Variants in TENM2 observed in about 807,000 individuals in gnomAD.
TENM2 encodes the protein teneurin-2.
TENM2 carries 52 observed loss-of-function variants against 245.2 expected under a neutral mutation model. The ratio of observed to expected loss-of-function variants is 0.21; its 90% CI spans 0.17 to 0.27. TENM2 has a LOEUF of 0.27. Among genes scored for constraint, TENM2 ranks in the 10% least tolerant of loss-of-function variants. The probability of loss-of-function intolerance (pLI) is 1.00; values close to 1 mark genes in which losing one functional copy is unlikely to be tolerated. For missense variants in TENM2, 3,046 were observed against 3,666.8 expected, an observed-to-expected ratio of 0.83 and a Z score of 4.37; for synonymous variants, 1,363 against 1,438.9, an observed-to-expected ratio of 0.95 and a Z score of 1.19.
chr5:168,208,058 G>T (rs1458515030), intron 19 of TENM2, among the ~76,000 whole-genome samples: 1 of 152,096 alleles, frequency 6.6e-6, no homozygotes, highest in Non-Finnish European at 1.5e-5. Context: ...TAAAGCCCTG[G>T]AGCAGAGTAA....
intron 2 of TENM2, among the ~76,000 whole-genome samples, chr5:167,753,286 G>A (rs1561740310): frequency 1.3e-5 from 2 of 152,178 alleles, no homozygotes; most frequent in African/African-American, 2.4e-5. Flanking sequence ...ATACATTACA[G>A]CTGTCTCAAA....
At chr5:167,583,511 C>CACACACACACACA (rs1554085391) in intron 2 of TENM2, among the ~76,000 whole-genome samples, 1 of 147,652 alleles carries the variant, frequency 6.8e-6, no homozygotes, top group African/African-American at 2.5e-5. Flanking sequence ...CACACACACA[C>CACACACACACACA]CCCAAACCTA....
At chr5:167,942,201 C>T (rs32416) in intron 3 of TENM2, among the ~76,000 whole-genome samples, 35,856 of 152,026 alleles carry the variant, frequency 0.24, 4,946 homozygotes, top group African/African-American at 0.39. Context: ...GAGTGAGACT[C>T]CCATCTCAAA....
At chr5:168,207,758 G>A (rs1455999346) in intron 19 of TENM2, among the ~76,000 whole-genome samples, 1 of 152,052 alleles carries the variant, frequency 6.6e-6, no homozygotes, top group African/African-American at 2.4e-5. Context: ...ACCCACCCCG[G>A]AGCTGAGCCT....
At chr5:168,231,686 G>A (rs926951156) in intron 25 of TENM2, among the ~76,000 whole-genome samples, 4 of 151,180 alleles carry the variant, frequency 2.6e-5, no homozygotes, top group South Asian at 2.1e-4. Flanking sequence ...GATCATTTTC[G>A]CCTAGGGGTT....
the TENM2 span, among the ~76,000 whole-genome samples, chr5:167,227,305 T>C: frequency 6.6e-6 from 1 of 152,134 alleles, no homozygotes; most frequent in South Asian, 2.1e-4. Flanking sequence ...TTTGTAGTGG[T>C]ACCATTTGAG....
the TENM2 span, among the ~76,000 whole-genome samples, chr5:167,189,027 A>G: frequency 2.0e-5 from 3 of 152,084 alleles, no homozygotes; most frequent in Non-Finnish European, 2.9e-5. Context: ...GTTATCCTCT[A>G]TTCATTTTCA....
chr5:167,832,065 A>G (rs1433759094), intron 2 of TENM2, among the ~76,000 whole-genome samples: 2 of 152,228 alleles, frequency 1.3e-5, no homozygotes, highest in African/African-American at 2.4e-5. Context: ...AGGAACAAAA[A>G]TAATGGCTTT....
intron 2 of TENM2, among the ~76,000 whole-genome samples, chr5:167,810,387 G>T (rs1338288335): frequency 6.6e-6 from 1 of 151,992 alleles, no homozygotes; most frequent in Admixed American, 6.6e-5. Context: ...GTCACTGTTT[G>T]GGTCCTTTTA....
At chr5:167,949,938 A>G (rs1779947084) in intron 3 of TENM2, among the ~76,000 whole-genome samples, 1 of 152,182 alleles carries the variant, frequency 6.6e-6, no homozygotes, top group Admixed American at 6.5e-5. Context: ...AGTTAGGAGG[A>G]GAATGTCTTC....
At chr5:167,485,536 T>G (rs1768006061) in intron 2 of TENM2, among the ~76,000 whole-genome samples, 1 of 152,182 alleles carries the variant, frequency 6.6e-6, no homozygotes, top group African/African-American at 2.4e-5. Flanking sequence ...TTTTCATCTC[T>G]AACTGTGCCT....
intron 2 of TENM2, among the ~76,000 whole-genome samples, chr5:167,493,122 C>T (rs1193946761): frequency 2.0e-5 from 3 of 151,920 alleles, no homozygotes; most frequent in Non-Finnish European, 4.4e-5. Flanking sequence ...TTCATTGAAT[C>T]ATTCATTCAA....
chr5:167,726,050 C>A (rs895369496), intron 2 of TENM2, among the ~76,000 whole-genome samples: 4 of 152,196 alleles, frequency 2.6e-5, no homozygotes, highest in African/African-American at 9.6e-5. Flanking sequence ...GGCTGCCTAG[C>A]CATCCCACTA....
intron 2 of TENM2, among the ~76,000 whole-genome samples, chr5:167,747,926 A>G (rs966986211): frequency 1.6e-4 from 24 of 152,086 alleles, no homozygotes; most frequent in African/African-American, 5.1e-4. Flanking sequence ...ACAGTTTCTT[A>G]TGAAGCTTCT....
At chr5:167,240,269 T>C in the TENM2 span, among the ~76,000 whole-genome samples, 1 of 152,140 alleles carries the variant, frequency 6.6e-6, no homozygotes, top group East Asian at 1.9e-4. Flanking sequence ...TTTTTTTTTT[T>C]TGCTCTGTTT....
chr5:167,670,925 G>A (rs1262953766), intron 2 of TENM2, among the ~76,000 whole-genome samples: 1 of 152,036 alleles, frequency 6.6e-6, no homozygotes, highest in African/African-American at 2.4e-5. Context: ...AGGAGAGACT[G>A]GGAAACCCTG....
chr5:168,034,651 G>C (rs1429399036), intron 5 of TENM2, among the ~76,000 whole-genome samples: 1 of 151,410 alleles, frequency 6.6e-6, no homozygotes, highest in African/African-American at 2.4e-5. Context: ...CATACCTGTA[G>C]TCCCAGCTAC....
chr5:167,730,833 C>T (rs550477762), intron 2 of TENM2, among the ~76,000 whole-genome samples: 1 of 152,306 alleles, frequency 6.6e-6, no homozygotes, highest in African/African-American at 2.4e-5. Context: ...CTGGCTGTTA[C>T]ATTTATCCTT....
intron 2 of TENM2, among the ~76,000 whole-genome samples, chr5:167,464,588 A>G (rs1349520201): frequency 6.6e-6 from 1 of 152,156 alleles, no homozygotes; most frequent in African/African-American, 2.4e-5. Flanking sequence ...AGTATTACTT[A>G]TAGAAGTCTT....
Sources: gnomAD v4.1 joint callset for allele counts (sites outside exome capture counted in the v4.1 genomes callset) on GRCh38, gnomAD v4.1.1 for gene constraint, MANE v1.5 for transcripts, NCBI Gene and HGNC (gene_info 2026-07-23, HGNC 2026-07-21) for gene names.